CEP112: variants seen among roughly 807,000 people sequenced by gnomAD.
CEP112 encodes the protein centrosomal protein of 112 kDa.
A neutral mutation model predicts 153.0 loss-of-function variants in CEP112; 127 were observed. The observed-to-expected ratio is 0.83, with a 90% CI of 0.72 to 0.96. CEP112 has a LOEUF of 0.96. Ranked by LOEUF, CEP112 falls within the 40% of genes least tolerant of loss-of-function variation. The pLI, the probability that CEP112 is intolerant of heterozygous loss-of-function variation, is 0.00. For missense variants in CEP112, 1,089 were observed against 1,101.2 expected, an observed-to-expected ratio of 0.99 and a Z score of 0.16; for synonymous variants, 358 against 374.4, an observed-to-expected ratio of 0.96 and a Z score of 0.51.
At chr17:65,732,178 T>C (rs2050546818) in intron 23 of CEP112, among the ~76,000 whole-genome samples, 1 of 152,238 alleles carries the variant, frequency 6.6e-6, no homozygotes. Context: ...AGCTGGAGAA[T>C]GGATGCTGTG....
At chr17:66,046,484 A>G (rs1387516673) in intron 12 of CEP112, among the ~76,000 whole-genome samples, 1 of 152,264 alleles carries the variant, frequency 6.6e-6, no homozygotes. Flanking sequence ...TTCCATGAGC[A>G]TATTAAGCTT....
chr17:65,843,513 A>G (rs2057604285), intron 21 of CEP112, among the ~76,000 whole-genome samples: 1 of 152,232 alleles, frequency 6.6e-6, no homozygotes, highest in African/African-American at 2.4e-5. Flanking sequence ...TCTTAAGCCA[A>G]AATGACAATG....
intron 20 of CEP112, among the ~76,000 whole-genome samples, chr17:65,865,233 G>A (rs1159980737): frequency 6.6e-6 from 1 of 151,896 alleles, no homozygotes; most frequent in Admixed American, 6.6e-5. Flanking sequence ...GTAGAGACAG[G>A]GTCTTGCCAT....
At chr17:66,102,135 C>G (rs2068591654) in intron 6 of CEP112, among the ~76,000 whole-genome samples, 1 of 152,088 alleles carries the variant, frequency 6.6e-6, no homozygotes, top group Non-Finnish European at 1.5e-5. Context: ...TATCAGAGAT[C>G]CTTCAAAGAA....
chr17:66,046,118 C>G (rs567351410), intron 12 of CEP112, among the ~76,000 whole-genome samples: 17 of 152,032 alleles, frequency 1.1e-4, no homozygotes, highest in Non-Finnish European at 2.1e-4. Flanking sequence ...TCTCTCCTCA[C>G]TGCAAGCTCC....
intron 18 of CEP112, among the ~76,000 whole-genome samples, chr17:65,937,578 G>A (rs1599075399): frequency 2.1e-4 from 15 of 71,524 alleles, no homozygotes; most frequent in Middle Eastern, 8.5e-3. Context: ...GGGGGGGTCA[G>A]CCCCCCACCC....
chr17:65,738,219 T>C (rs2050915730), intron 23 of CEP112, among the ~76,000 whole-genome samples: 1 of 152,180 alleles, frequency 6.6e-6, no homozygotes, highest in Non-Finnish European at 1.5e-5. Flanking sequence ...GATTGAAATA[T>C]AGCATGAGAA....
chr17:65,962,727 T>TGTG (rs2062253176), intron 17 of CEP112, among the ~76,000 whole-genome samples: 1 of 151,374 alleles, frequency 6.6e-6, no homozygotes, highest in African/African-American at 2.4e-5. Flanking sequence ...GTTCTCATGA[T>TGTG]AGTGAGTCTA....
At chr17:65,681,254 A>G (rs1046447357) in intron 24 of CEP112, among the ~76,000 whole-genome samples, 7 of 151,898 alleles carry the variant, frequency 4.6e-5, no homozygotes, top group African/African-American at 1.7e-4. Flanking sequence ...CTGCCTTTAA[A>G]TTCTCCTGGC....
rs544554453 is a variant in CEP112, at chr17:66,157,172, C to T, written c.470+17872G>A. Among the ~76,000 whole-genome samples, 15 of 152,276 alleles carry T rather than the reference C, an allele frequency of 9.9e-5. No homozygotes were observed. The East Asian group carries it at 2.1e-3, about 22-fold the overall frequency. ...AAAGGGAAGCCCATCAGACTAACAT[C>T]GGATCTCTTGGCAGAAACCCTACAA... On this transcript the variant is annotated intron_variant, in intron 4 of 26. Transcript: ENST00000535342.
At chr17:65,767,846 C>T (rs1158255868) in intron 21 of CEP112, among the ~76,000 whole-genome samples, 1 of 151,670 alleles carries the variant, frequency 6.6e-6, no homozygotes, top group Non-Finnish European at 1.5e-5. Context: ...TTGAACAGGC[C>T]AACAACAAAT....
At chr17:66,046,252 C>G (rs2066203327) in intron 12 of CEP112, among the ~76,000 whole-genome samples, 1 of 152,038 alleles carries the variant, frequency 6.6e-6, no homozygotes, top group Non-Finnish European at 1.5e-5. Context: ...CTGTATTAGC[C>G]AGGATGGTCT....
At chr17:65,834,937 A>G (rs1239309400) in intron 21 of CEP112, among the ~76,000 whole-genome samples, 2 of 152,122 alleles carry the variant, frequency 1.3e-5, no homozygotes, top group Non-Finnish European at 2.9e-5. Context: ...CAAAGACATC[A>G]ATCAGCTAAA....
chr17:65,773,047 T>C (rs908665786), intron 21 of CEP112, among the ~76,000 whole-genome samples: 2 of 152,156 alleles, frequency 1.3e-5, no homozygotes, highest in Non-Finnish European at 2.9e-5. Flanking sequence ...GGCACTATTA[T>C]CCTCACTGAA....
intron 4 of CEP112, among the ~76,000 whole-genome samples, chr17:66,162,911 A>G (rs574026124): frequency 6.6e-6 from 1 of 152,266 alleles, no homozygotes; most frequent in South Asian, 2.1e-4. Context: ...TGATTTTAAC[A>G]TTTTACCAAA....
chr17:65,673,588 A>G (rs2047086346), intron 24 of CEP112, among the ~76,000 whole-genome samples: 1 of 152,206 alleles, frequency 6.6e-6, no homozygotes, highest in South Asian at 2.1e-4. Flanking sequence ...CTTCTCCCAC[A>G]TAATATATCC....
chr17:65,743,092 A>C lies in CEP112; in HGVS notation c.2583T>G (p.Ile861Met), dbSNP rs369636200. ...CCTTGATTGCTTGGTCATTATCTCTAATCAGCTGCTTCTTCTCATCTTCAA... is the reference window on the plus strand; with the variant it reads ...CCTTGATTGCTTGGTCATTATCTCTCATCAGCTGCTTCTTCTCATCTTCAA... Reference protein sequence around the residue: ...QKFEDEKKQLIRDNDQAIKVL... With the variant: ...QKFEDEKKQLMRDNDQAIKVL... Residue 861 changes from isoleucine (I) to methionine (M), a missense_variant, in exon 23 of 27, where the codon ATT becomes ATG. Coordinates refer to ENST00000535342, the MANE Select transcript of CEP112 (RefSeq NM_001199165.4). 2.5e-6 allele frequency: 4 copies of C among 1,611,156 alleles called. No homozygotes were observed. Among genetic ancestry groups the C allele is most frequent in the African/African-American group, 1.3e-5 (1 of 74,888 alleles).
intron 6 of CEP112, among the ~76,000 whole-genome samples, chr17:66,110,092 G>A (rs372749052): frequency 3.4e-4 from 52 of 152,112 alleles, no homozygotes; most frequent in African/African-American, 1.1e-3. Context: ...CCCAGGAGGC[G>A]GAGCTTGCAG....
intron 23 of CEP112, among the ~76,000 whole-genome samples, chr17:65,726,763 T>C (rs181951986): frequency 5.8e-4 from 88 of 152,322 alleles, no homozygotes; most frequent in African/African-American, 2.0e-3. Flanking sequence ...AAATAATCAC[T>C]ATTACCCATC....
Sources: gnomAD v4.1 joint callset for allele counts (sites outside exome capture counted in the v4.1 genomes callset) on GRCh38, gnomAD v4.1.1 for gene constraint, MANE v1.5 for transcripts, NCBI Gene and HGNC (gene_info 2026-07-23, HGNC 2026-07-21) for gene names.